Variants in UNC13C observed in about 807,000 individuals in gnomAD.
The protein encoded by UNC13C is protein unc-13 homolog C.
In UNC13C, 174 loss-of-function variants were observed where a neutral mutation model predicts 245.4. The ratio of observed to expected loss-of-function variants is 0.71; its 90% CI spans 0.63 to 0.80. The LOEUF is 0.80. UNC13C is among the 30% of genes least tolerant of loss of function. The pLI, the probability that UNC13C is intolerant of heterozygous loss-of-function variation, is 0.00. For synonymous variants in UNC13C, 992 were observed against 895.1 expected, an observed-to-expected ratio of 1.11 and a Z score of -1.93; for missense variants, 2,829 against 2,602.9, an observed-to-expected ratio of 1.09 and a Z score of -1.89.
rs79311088 is a variant in UNC13C, at chr15:54,361,930, C to A, written c.4713+23441C>A. Among the ~76,000 whole-genome samples, 93 of 152,278 alleles carry A rather than the reference C, an allele frequency of 6.1e-4. No individual in the cohort carries two copies. The East Asian group carries it at 0.018, about 29-fold the overall frequency. On this transcript the variant is annotated intron_variant, in intron 17 of 32. Transcript: ENST00000260323. ...CTATTTTTTTCTAGTCTGATGAAGA[C>A]TTAAGTGGCACCAAAACCTAATTCC...
chr15:54,599,914 A>G (rs886333382), intron 30 of UNC13C, among the ~76,000 whole-genome samples: 1 of 152,184 alleles, frequency 6.6e-6, no homozygotes, highest in African/African-American at 2.4e-5. Context: ...CTTGAAGAGA[A>G]TGATAATTAC....
chr15:54,446,568 A>T (rs1890826806), intron 19 of UNC13C, among the ~76,000 whole-genome samples: 1 of 152,106 alleles, frequency 6.6e-6, no homozygotes, highest in Non-Finnish European at 1.5e-5. Flanking sequence ...TGTGAATGGG[A>T]GTTCACTCAT....
chr15:54,546,738 A>G lies in UNC13C; in HGVS notation c.5713A>G (p.Lys1905Glu), dbSNP rs1896500206. ...TTTTTTCAGATTAAGTCTCTCAGCAAAAATCTGTGAGAAAACAGTCCTAAA... is the reference window on the plus strand; with the variant it reads ...TTTTTTCAGATTAAGTCTCTCAGCAGAAATCTGTGAGAAAACAGTCCTAAA... ...FLDKTLSLSA[K>E]ICEKTVLKRV... The change falls in exon 27 of 33, where the codon AAA becomes GAA. Residue 1905 changes from lysine (K) to glutamate (E), a missense_variant. Physicochemically the swap from Lys to Glu is moderately conservative, Grantham distance 56. Coordinates refer to ENST00000260323, the MANE Select transcript of UNC13C (RefSeq NM_001080534.3). 2 of 1,511,172 alleles carry G rather than the reference A, an allele frequency of 1.3e-6. No homozygotes were observed. The highest frequency in any genetic ancestry group is 8.9e-7 in the Non-Finnish European group (1 of 1,129,578). The allele number at this position is 1,511,172 out of a possible 1,614,324, so 93.6% of individuals were successfully genotyped here. A position where few individuals can be genotyped will look rare whatever the true frequency, so the allele number is the denominator to read the frequency against.
the UNC13C span, among the ~76,000 whole-genome samples, chr15:53,863,486 A>G: frequency 6.6e-6 from 1 of 152,356 alleles, no homozygotes; most frequent in African/African-American, 2.4e-5. Context: ...GCTGTTTATC[A>G]TAATGATATT....
intron 2 of UNC13C, among the ~76,000 whole-genome samples, chr15:54,118,902 G>GT (rs3082226): frequency 0.033 from 4,593 of 140,664 alleles, 90 homozygotes; most frequent in African/African-American, 0.043. Flanking sequence ...TGATCTTACG[G>GT]TTTTTTTTTT....
chr15:54,244,463 T>A (rs2140851691), intron 7 of UNC13C, among the ~76,000 whole-genome samples: 1 of 152,334 alleles, frequency 6.6e-6, no homozygotes, highest in South Asian at 2.1e-4. Flanking sequence ...AGGCTCTTTT[T>A]GGTTCCATAC....
chr15:54,227,470 A>G (rs1196737523), intron 4 of UNC13C, among the ~76,000 whole-genome samples: 1 of 152,194 alleles, frequency 6.6e-6, no homozygotes, highest in Non-Finnish European at 1.5e-5. Flanking sequence ...GGCACCTGCC[A>G]GCCCATGCTG....
chr15:54,035,255 C>T (rs943947076), intron 2 of UNC13C, among the ~76,000 whole-genome samples: 1 of 151,986 alleles, frequency 6.6e-6, no homozygotes, highest in Non-Finnish European at 1.5e-5. Flanking sequence ...TAGATGCTTG[C>T]GATATATTAA....
chr15:54,243,989 C>G (rs1217050917), intron 7 of UNC13C, among the ~76,000 whole-genome samples: 3 of 152,042 alleles, frequency 2.0e-5, no homozygotes, highest in African/African-American at 7.2e-5. Flanking sequence ...AAATTATATC[C>G]CATTTGTCAA....
intron 2 of UNC13C, among the ~76,000 whole-genome samples, chr15:54,082,696 C>T (rs963033346): frequency 6.6e-6 from 1 of 152,104 alleles, no homozygotes; most frequent in African/African-American, 2.4e-5. Context: ...TCTTAAGGAA[C>T]CGTCGCTTCT....
chr15:54,164,479 T>C (rs988240263), intron 4 of UNC13C, among the ~76,000 whole-genome samples: 2 of 152,122 alleles, frequency 1.3e-5, no homozygotes, highest in African/African-American at 4.8e-5. Flanking sequence ...GTGGATGCTA[T>C]AAATAAGTAA....
At chr15:54,538,133 C>CAAAAAA (rs56041311) in intron 26 of UNC13C, among the ~76,000 whole-genome samples, 8 of 10,250 alleles carry the variant, frequency 7.8e-4, no homozygotes, top group Non-Finnish European at 9.8e-4. Flanking sequence ...CATTAACAAG[C>CAAAAAA]AAAAAAAAAA....
chr15:54,162,438 T>C (rs894106620), intron 4 of UNC13C, among the ~76,000 whole-genome samples: 1 of 152,158 alleles, frequency 6.6e-6, no homozygotes, highest in African/African-American at 2.4e-5. Context: ...AGAGAACATA[T>C]GAAATATTGT....
intron 4 of UNC13C, among the ~76,000 whole-genome samples, chr15:54,231,441 C>T (rs1362267522): frequency 6.6e-6 from 1 of 151,898 alleles, no homozygotes; most frequent in African/African-American, 2.4e-5. Context: ...GGGCTCAAAC[C>T]TTGGCACTGC....
intron 13 of UNC13C, chr15:54,321,584 T>G (rs2038160781): frequency 2.6e-6 from 1 of 377,460 alleles, no homozygotes. Flanking sequence ...CCCCTCAGAC[T>G]CACATTAACT....
downstream of UNC13C, chr15:54,629,273 T>A (rs974157052): frequency 2.0e-5 from 3 of 151,992 alleles, no homozygotes; most frequent in African/African-American, 7.3e-5. Context: ...CAACAGACAC[T>A]GTGGCCTACT....
At chr15:54,467,174 C>A (rs532815068) in intron 19 of UNC13C, among the ~76,000 whole-genome samples, 1 of 151,738 alleles carries the variant, frequency 6.6e-6, no homozygotes, top group South Asian at 2.1e-4. Context: ...ATGGTTCCTT[C>A]GTTCATGGGG....
At chr15:54,543,975 T>G (rs188427078) in intron 26 of UNC13C, among the ~76,000 whole-genome samples, 1 of 152,234 alleles carries the variant, frequency 6.6e-6, no homozygotes, top group African/African-American at 2.4e-5. Context: ...TAACAAAACC[T>G]GGCAGAGATA....
At position 54,490,780 on chromosome 15, in the gene UNC13C, A is replaced by C. The variant is rs117949245; in HGVS notation, c.4934-3828A>C. Among the ~76,000 whole-genome samples, 199 of 152,296 alleles carry C rather than the reference A, an allele frequency of 1.3e-3. 3 individuals are homozygous for C. The East Asian group carries it at 0.028, about 22-fold the overall frequency. On this transcript the variant is annotated intron_variant, in intron 19 of 32. Coordinates refer to ENST00000260323, the MANE Select transcript of UNC13C (RefSeq NM_001080534.3). ...CAAGGTTTTAATTGGAAACATAGTT[A>C]CATAATTTTGCGGACATGCACACAT...
Sources: allele counts gnomAD v4.1 joint callset (sites outside exome capture counted in the v4.1 genomes callset), GRCh38; gene constraint gnomAD v4.1.1; transcripts MANE v1.5; gene names NCBI Gene and HGNC (gene_info 2026-07-23, HGNC 2026-07-21).